Variants in PLEKHA7 observed in about 807,000 individuals in gnomAD.
The protein encoded by PLEKHA7 is pleckstrin homology domain-containing family A member 7.
In PLEKHA7, 104 loss-of-function variants were observed where a neutral mutation model predicts 170.0. The observed-to-expected ratio is 0.61, with a 90% CI of 0.52 to 0.72. The LOEUF (loss-of-function observed/expected upper bound fraction) is 0.72. Among genes scored for constraint, PLEKHA7 ranks in the 30% least tolerant of loss-of-function variants. The pLI is 0.00. For missense variants in PLEKHA7, 1,615 were observed against 1,671.7 expected (o/e 0.97, Z 0.59); for synonymous variants, 648 against 660.8 (o/e 0.98, Z 0.30).
chr11:16,861,633 G>A (rs1338883826), intron 4 of PLEKHA7, among the ~76,000 whole-genome samples: 1 of 152,142 alleles, frequency 6.6e-6, no homozygotes, highest in Non-Finnish European at 1.5e-5. Context: ...TTGGCACAGA[G>A]CAAGGCTTGC....
At chr11:16,852,545 A>C (rs1391992106) in intron 6 of PLEKHA7, among the ~76,000 whole-genome samples, 190 bp from the exon 7 acceptor site, 1 of 152,248 alleles carries the variant, frequency 6.6e-6, no homozygotes, top group Non-Finnish European at 1.5e-5. Context: ...GGTTTATCCT[A>C]AGAAAGCAGG....
At chr11:16,808,683 C>G (rs542772388) in intron 13 of PLEKHA7, among the ~76,000 whole-genome samples, 2 of 152,162 alleles carry the variant, frequency 1.3e-5, no homozygotes, top group African/African-American at 4.8e-5. Context: ...AAAGGCTCCA[C>G]GAGTGACAGC....
At chr11:16,927,658 A>C (rs964211993) in intron 3 of PLEKHA7, among the ~76,000 whole-genome samples, 2 of 152,262 alleles carry the variant, frequency 1.3e-5, no homozygotes, top group East Asian at 3.8e-4. Context: ...TGAAGGAAGC[A>C]TGCAATGACC....
intron 3 of PLEKHA7, among the ~76,000 whole-genome samples, chr11:16,947,641 C>T (rs1175204762): frequency 6.1e-5 from 9 of 147,062 alleles, no homozygotes; most frequent in African/African-American, 1.0e-4. Context: ...TATGGCTGGG[C>T]GCGGTGGCTC....
At chr11:16,954,647 C>T (rs752755085) in intron 3 of PLEKHA7, among the ~76,000 whole-genome samples, 2 of 150,920 alleles carry the variant, frequency 1.3e-5, no homozygotes, top group Admixed American at 6.6e-5. Context: ...AATAAAACAA[C>T]AAGAAAGTTA....
chr11:16,947,653 C>T (rs78969490), intron 3 of PLEKHA7, among the ~76,000 whole-genome samples: 2 of 150,612 alleles, frequency 1.3e-5, no homozygotes, highest in Admixed American at 6.6e-5. Context: ...CGGTGGCTCA[C>T]ACTTGTAATC....
At chr11:16,874,948 C>T (rs961803056) in intron 3 of PLEKHA7, among the ~76,000 whole-genome samples, 13 of 152,174 alleles carry the variant, frequency 8.5e-5, no homozygotes, top group Admixed American at 3.9e-4. Context: ...CCAACCTGTA[C>T]CAGCTTAAAT....
At chr11:16,968,754 G>A (rs1017809314) in intron 3 of PLEKHA7, among the ~76,000 whole-genome samples, 2 of 152,162 alleles carry the variant, frequency 1.3e-5, no homozygotes, top group African/African-American at 4.8e-5. Flanking sequence ...GCAATGGCTG[G>A]CATGATAGGC....
chr11:16,805,275 C>A (rs1848879119), intron 13 of PLEKHA7, among the ~76,000 whole-genome samples: 1 of 152,104 alleles, frequency 6.6e-6, no homozygotes. Context: ...CTCATTTATC[C>A]AGCACCATCA....
intron 3 of PLEKHA7, among the ~76,000 whole-genome samples, chr11:16,898,721 A>C (rs1302992002): frequency 6.6e-6 from 1 of 152,162 alleles, no homozygotes; most frequent in Non-Finnish European, 1.5e-5. Flanking sequence ...ACCTTCTCAC[A>C]GTCCTAAATC....
intron 3 of PLEKHA7, among the ~76,000 whole-genome samples, chr11:16,947,545 C>T (rs546602454): frequency 1.1e-4 from 17 of 149,218 alleles, no homozygotes; most frequent in African/African-American, 4.2e-4. Flanking sequence ...GAGCTGAGAT[C>T]GCACCACTGC....
chr11:16,889,423 AT>A (rs1565076495), intron 3 of PLEKHA7, among the ~76,000 whole-genome samples: 1,302 of 104,164 alleles, frequency 0.012, 15 homozygotes, highest in African/African-American at 0.025. Context: ...AAAAAAAAAT[AT>A]ATATATATAT....
rs1863100476 is a variant in PLEKHA7 at position 16,976,877 on chromosome 11, AAAT to A, written c.221+37109_221+37111del. ...TCATGTGCCATGCTAGGCACTCAAT[AAAT>A]AATTGCTGAATGGATGCATACACGT... On this transcript the variant is annotated intron_variant, in intron 3 of 26. Transcript: ENST00000531066. Among the ~76,000 whole-genome samples, 5 of 152,278 alleles carry A rather than the reference AAAT, an allele frequency of 3.3e-5. 1 individual carries two copies. The South Asian group carries it at 8.3e-4, about 25-fold the overall frequency.
At chr11:16,829,650 C>T (rs892278713) in intron 9 of PLEKHA7, among the ~76,000 whole-genome samples, 4 of 152,108 alleles carry the variant, frequency 2.6e-5, no homozygotes, top group Admixed American at 2.0e-4. Flanking sequence ...GTGGTGTGCA[C>T]CTGTAGCCCC....
At chr11:17,005,598 C>T (rs1332198565) in intron 3 of PLEKHA7, among the ~76,000 whole-genome samples, 1 of 152,150 alleles carries the variant, frequency 6.6e-6, no homozygotes, top group Non-Finnish European at 1.5e-5. Flanking sequence ...GAAACCTACA[C>T]CCACCCTCAT....
At chr11:16,935,905 G>A (rs1188652450) in intron 3 of PLEKHA7, among the ~76,000 whole-genome samples, 1 of 152,168 alleles carries the variant, frequency 6.6e-6, no homozygotes. Flanking sequence ...TGTTCACCCT[G>A]AAGACTTGCA....
chr11:16,791,781 G>A lies in PLEKHA7; in HGVS notation c.2746-582C>T. Reference sequence around the variant, plus strand: ...CTGACTCAGACAGAACAGGCGGTCAGGATGAGTGACTCACTGCCTACCATG... The same window carrying A: ...CTGACTCAGACAGAACAGGCGGTCAAGATGAGTGACTCACTGCCTACCATG... On this transcript the variant is annotated intron_variant, in intron 19 of 26. Transcript: ENST00000531066. The surrounding 1 kb of genome is among the most constrained non-coding windows in gnomAD (Gnocchi z 4.5). 2.4e-6 allele frequency: 1 copy of A among 419,566 alleles called. No individual in the cohort carries two copies. Among genetic ancestry groups the A allele is most frequent in the Non-Finnish European group, 4.8e-6 (1 of 207,296 alleles). The allele number at this position is 419,566 out of a possible 1,614,324, so 26.0% of individuals were successfully genotyped here. A position where few individuals can be genotyped will look rare whatever the true frequency, so the allele number is the denominator to read the frequency against.
chr11:16,879,456 G>A (rs141808634), intron 3 of PLEKHA7, among the ~76,000 whole-genome samples: 169 of 152,286 alleles, frequency 1.1e-3, no homozygotes, highest in African/African-American at 4.0e-3. Flanking sequence ...GGAGGCAGAA[G>A]GCCACAGGCT....
intron 3 of PLEKHA7, among the ~76,000 whole-genome samples, chr11:16,997,403 T>C (rs1348583824): frequency 6.6e-6 from 1 of 152,142 alleles, no homozygotes; most frequent in Non-Finnish European, 1.5e-5. Context: ...ATTTTCCCAA[T>C]ATTCTCTTAA....
Sources: gnomAD v4.1 joint callset for allele counts (sites outside exome capture counted in the v4.1 genomes callset) on GRCh38, gnomAD v4.1.1 for gene constraint, Gnocchi (gnomAD v3.1) non-coding constraint, MANE v1.5 for transcripts, NCBI Gene and HGNC (gene_info 2026-07-23, HGNC 2026-07-21) for gene names.